The following PGAP2 variants were observed in gnomAD, a reference collection of about 807,000 sequenced individuals.
PGAP2 encodes acyltransferase PGAP2.
In PGAP2, 21 loss-of-function variants were observed where a neutral mutation model predicts 33.2. That is an observed-to-expected ratio of 0.63 (90% CI 0.45 to 0.91). The LOEUF is 0.91. PGAP2 is among the 40% of genes least tolerant of loss of function. PGAP2 has a pLI of 0.00. For missense variants in PGAP2, 345 were observed against 424.0 expected (o/e 0.81, Z 1.64); for synonymous variants, 161 against 172.9 (o/e 0.93, Z 0.54).
chr11:3,825,594 G>A lies in PGAP2; in HGVS notation c.*136G>A. ...GGAAGGGTAAGAAGGAAGGGTGTAG[G>A]CCAAGGCTCACCCCAGTGCTGCTGG... On this transcript the variant is annotated 3_prime_UTR_variant, in exon 7 of 7. Transcript: ENST00000278243. The A allele has an allele frequency of 5.4e-6, 5 of 925,376 alleles. No homozygotes were observed. Among genetic ancestry groups the A allele is most frequent in the Non-Finnish European group, 4.8e-6 (3 of 621,824 alleles). 57.3% of individuals were successfully genotyped at this position (925,376 alleles called of 1,614,324 possible).
At chr11:3,819,883 GTCCCTGCTCTTAGAA>G (rs1211071328) in intron 3 of PGAP2, among the ~76,000 whole-genome samples, 1 of 152,120 alleles carries the variant, frequency 6.6e-6, no homozygotes, top group Non-Finnish European at 1.5e-5. Flanking sequence ...GGAAGAGACA[GTCCCTGCTCTTAGAA>G]TCCCACCCCC....
chr11:3,821,830 A>AGGGGGG (rs137878108), intron 3 of PGAP2, among the ~76,000 whole-genome samples: 1 of 150,262 alleles, frequency 6.7e-6, no homozygotes, highest in East Asian at 2.0e-4. Flanking sequence ...TGAGAGGCCG[A>AGGGGGG]GGGGGGTGGA....
intron 3 of PGAP2, among the ~76,000 whole-genome samples, chr11:3,819,558 T>A (rs1435703996): frequency 6.6e-6 from 1 of 152,058 alleles, no homozygotes; most frequent in Admixed American, 6.6e-5. Flanking sequence ...GCCAAAGGAA[T>A]GAATCTTATG....
chr11:3,817,410 T>G lies in PGAP2; in HGVS notation c.223T>G (p.Leu75Val), dbSNP rs760336820. 1 of 1,614,210 alleles carries G rather than the reference T, an allele frequency of 6.2e-7. No individual in the cohort carries two copies. Among genetic ancestry groups the G allele is most frequent in the South Asian group, 1.1e-5 (1 of 91,082 alleles). Residue 75 changes from leucine (L) to valine (V), a missense_variant, in exon 3 of 7, where the codon TTG becomes GTG. By Grantham distance (32) the Leu-to-Val change is conservative (BLOSUM62 1). Around this residue, in one of 2 missense-constraint regions of PGAP2, gnomAD observed 311 missense variants for 353.6 expected, o/e 0.88. Coordinates refer to ENST00000278243, the MANE Select transcript of PGAP2 (RefSeq NM_014489.4). The part of the protein sequence containing the change: ...ASQPLDPDGT[L>V]FRLRFTAMVW... The stretch of plus-strand genomic sequence containing the variant: ...CCAGCCTTTGGACCCCGATGGGACC[T>G]TGTTCCGGCTTCGCTTCACAGCCAT...
At chr11:3,802,880 G>T (rs1267957989) in intron 1 of PGAP2, among the ~76,000 whole-genome samples, 1 of 147,438 alleles carries the variant, frequency 6.8e-6, no homozygotes. Flanking sequence ...AGGCTGGAGT[G>T]CAGTGGCACC....
At chr11:3,820,684 G>A (rs905252199) in intron 3 of PGAP2, among the ~76,000 whole-genome samples, 1 of 151,942 alleles carries the variant, frequency 6.6e-6, no homozygotes, top group African/African-American at 2.4e-5. Flanking sequence ...AAAATTAGCT[G>A]CGTGTGGTGG....
chr11:3,818,057 C>CAA (rs879534196), intron 3 of PGAP2: 20,194 of 149,304 alleles, frequency 0.14, 1,612 homozygotes, highest in East Asian at 0.32. Flanking sequence ...AAAAACAAAA[C>CAA]AAAATAAAAA....
At chr11:3,803,143 G>A (rs924070625) in intron 1 of PGAP2, among the ~76,000 whole-genome samples, 2 of 151,076 alleles carry the variant, frequency 1.3e-5, no homozygotes, top group African/African-American at 2.4e-5. Context: ...GCAGGCATGC[G>A]CCACCATGCC....
chr11:3,824,535 G>A (rs1258979402), intron 5 of PGAP2, 159 bp downstream of exon 5: 1 of 1,127,158 alleles, frequency 8.9e-7, no homozygotes, highest in Admixed American at 2.0e-5. Context: ...AACAAACTGA[G>A]GGTGGTTGGT....
chr11:3,819,667 C>T lies in PGAP2; in HGVS notation c.348+2132C>T, dbSNP rs369231842. ...TCCTATCAGAAAGGGCTTATCCTCC[C>T]GTCTCTCAGTACTCTTAGCTCTGGG... On this transcript the variant is annotated intron_variant, in intron 3 of 6. Coordinates refer to ENST00000278243, the MANE Select transcript of PGAP2 (RefSeq NM_014489.4). 3.9e-5 allele frequency among the ~76,000 whole-genome samples: 6 copies of T among 152,024 alleles called. No homozygotes were observed. The South Asian group carries it at 1.2e-3, about 32-fold the overall frequency.
At chr11:3,808,061 C>T, upstream of PGAP2, 2 of 1,418,188 alleles carry the variant, frequency 1.4e-6, no homozygotes, top group Non-Finnish European at 1.8e-6. Flanking sequence ...CTGGGATGTG[C>T]CTCACCGGGT....
chr11:3,807,417 C>G (rs576009081), upstream of PGAP2, among the ~76,000 whole-genome samples: 1 of 149,990 alleles, frequency 6.7e-6, no homozygotes, highest in Non-Finnish European at 1.5e-5. Flanking sequence ...AAGCGATTCT[C>G]CTGCCTCAGC....
At chr11:3,823,130 A>G (rs2089275616) in intron 3 of PGAP2, 1 of 530,796 alleles carries the variant, frequency 1.9e-6, no homozygotes, top group East Asian at 3.2e-5. Context: ...TCCGCTTCCC[A>G]GGTTCACACA....
chr11:3,822,979 C>G, intron 3 of PGAP2: 1 of 1,503,832 alleles, frequency 6.6e-7, no homozygotes, highest in Non-Finnish European at 9.0e-7. Context: ...TGGTCATTTC[C>G]TTAGACTACC....
chr11:3,802,193 GA>G (rs1011348943), intron 1 of PGAP2, among the ~76,000 whole-genome samples: 1 of 151,508 alleles, frequency 6.6e-6, no homozygotes, highest in African/African-American at 2.4e-5. Flanking sequence ...CATACTTGTG[GA>G]AAGACTGGAG....
intron 1 of PGAP2, chr11:3,798,028 G>C (rs2134041190): frequency 6.5e-7 from 1 of 1,537,314 alleles, no homozygotes; most frequent in East Asian, 2.5e-5. Flanking sequence ...GGCGCTGCTG[G>C]GAAGGCTTCC....
intron 1 of PGAP2, among the ~76,000 whole-genome samples, chr11:3,803,415 C>T (rs532498856): frequency 6.6e-6 from 1 of 151,900 alleles, no homozygotes; most frequent in South Asian, 2.1e-4. Flanking sequence ...GCGTGAGCCA[C>T]CGCACCCGGC....
rs540217713 is a variant in PGAP2, at chr11:3,823,122, C to T, written c.349-761C>T. The T allele has an allele frequency of 4.3e-4, 242 of 560,292 alleles. No individual in the cohort carries two copies. In the African/African-American group the frequency reaches 4.4e-3, roughly 10 times the overall value. 34.7% of individuals were successfully genotyped at this position (560,292 alleles called of 1,614,324 possible). A position where few individuals can be genotyped will look rare whatever the true frequency, so the allele number is the denominator to read the frequency against. The stretch of plus-strand genomic sequence containing the variant: ...CACAATCTCGGCTCACTGCAAGCTC[C>T]GCTTCCCAGGTTCACACAGTTCTTC... On this transcript the variant is annotated intron_variant, in intron 3 of 6. Coordinates refer to ENST00000278243, the MANE Select transcript of PGAP2 (RefSeq NM_014489.4).
In PGAP2 at chr11:3,821,000, A is replaced by G. The variant is rs117670850; in HGVS notation, c.349-2883A>G. ...AGCTTTGTGCAGTTCCTGAGCCTCT[A>G]TGCTGCCCCTTCACATTACTCAGAG... is the stretch of plus-strand genomic sequence containing the variant. On this transcript the variant is annotated intron_variant, in intron 3 of 6. Coordinates refer to ENST00000278243, the MANE Select transcript of PGAP2 (RefSeq NM_014489.4). Among the ~76,000 whole-genome samples the G allele has an allele frequency of 3.8e-3, 575 of 152,358 alleles. 2 individuals are homozygous for G. Among genetic ancestry groups the G allele is most frequent in the Non-Finnish European group, 5.7e-3 (388 of 68,032 alleles).
Sources: allele counts gnomAD v4.1 joint callset (sites outside exome capture counted in the v4.1 genomes callset), GRCh38; gene constraint gnomAD v4.1.1; regional missense constraint gnomAD v4.1.1; transcripts MANE v1.5; gene names NCBI Gene and HGNC (gene_info 2026-07-23, HGNC 2026-07-21).